The following GOLM1 variants were observed in gnomAD, a reference collection of about 807,000 sequenced individuals.
The protein encoded by GOLM1 is golgi membrane protein 1.
GOLM1 carries 31 observed loss-of-function variants against 50.5 expected under a neutral mutation model. The observed-to-expected ratio is 0.61, with a 90% CI of 0.46 to 0.83. The LOEUF is 0.83. GOLM1 is among the 40% of genes least tolerant of loss of function. The pLI is 0.00. For missense variants in GOLM1, 491 were observed against 501.3 expected, an observed-to-expected ratio of 0.98 and a Z score of 0.20; for synonymous variants, 178 against 192.8, an observed-to-expected ratio of 0.92 and a Z score of 0.64.
chr9:86,026,252 C>T lies in GOLM1; in HGVS notation c.*1565G>A. The T allele has an allele frequency of 1.0e-6, 1 of 984,844 alleles. No homozygotes were observed. Among genetic ancestry groups the T allele is most frequent in the African/African-American group, 1.7e-5 (1 of 57,304 alleles). The allele number at this position is 984,844 out of a possible 1,614,324, so 61.0% of individuals were successfully genotyped here. A position where few individuals can be genotyped will look rare whatever the true frequency, so the allele number is the denominator to read the frequency against. On this transcript the variant is annotated 3_prime_UTR_variant, in exon 10 of 10. Transcript: ENST00000388712. ...AGCAAGAGAAAATTCCTATCAACCCCAAGGAGGACTCAAAGTGAGGCTGGA... is the reference window on the plus strand; with the variant it reads ...AGCAAGAGAAAATTCCTATCAACCCTAAGGAGGACTCAAAGTGAGGCTGGA...
chr9:86,095,216 A>G (rs1415458428), intron 1 of GOLM1, among the ~76,000 whole-genome samples: 1 of 152,100 alleles, frequency 6.6e-6, no homozygotes. Flanking sequence ...ACAAATTAAG[A>G]ATAGTTTTTA....
intron 1 of GOLM1, among the ~76,000 whole-genome samples, chr9:86,091,054 A>G (rs1587744262): frequency 6.6e-6 from 1 of 152,004 alleles, no homozygotes; most frequent in Non-Finnish European, 1.5e-5. Context: ...GCGATGCCCC[A>G]CCCTGCTTCT....
intron 5 of GOLM1, 128 bp downstream of exon 5, chr9:86,046,342 G>T: frequency 3.1e-6 from 2 of 645,638 alleles, no homozygotes; most frequent in Non-Finnish European, 5.7e-6. Flanking sequence ...AGAGGGGCCC[G>T]TGCCTTTCTC....
chr9:86,082,604 C>T (rs111425685), intron 1 of GOLM1, among the ~76,000 whole-genome samples: 1 of 151,944 alleles, frequency 6.6e-6, no homozygotes, highest in African/African-American at 2.4e-5. Context: ...CCACGCCCAG[C>T]TAATTTTTTC....
intron 1 of GOLM1, among the ~76,000 whole-genome samples, chr9:86,098,481 T>C (rs1176188101): frequency 1.3e-5 from 2 of 152,140 alleles, no homozygotes; most frequent in African/African-American, 4.8e-5. Context: ...CTAGAAATGT[T>C]CCTCAATAAT....
At chr9:86,048,044 G>C (rs370085594) in intron 4 of GOLM1, among the ~76,000 whole-genome samples, 28 of 89,884 alleles carry the variant, frequency 3.1e-4, no homozygotes, top group African/African-American at 1.0e-3. Context: ...CCCACCCCAC[G>C]ACACGCCCCA....
chr9:86,099,620 G>C (rs1273034573), upstream of GOLM1: 1 of 149,034 alleles, frequency 6.7e-6, no homozygotes, highest in African/African-American at 2.4e-5. Context: ...GGAGGAGGCG[G>C]CGCCGCGAGC....
intron 3 of GOLM1, among the ~76,000 whole-genome samples, chr9:86,062,503 AGGAGGGAGAAT>A (rs1291306095): frequency 6.7e-6 from 1 of 149,622 alleles, no homozygotes; most frequent in Non-Finnish European, 1.5e-5. Flanking sequence ...GAGGAAGAGG[AGGAGGGAGAAT>A]GGAGGGAGAG....
At chr9:86,053,864 C>G (rs140348279) in intron 3 of GOLM1, among the ~76,000 whole-genome samples, 350 of 148,912 alleles carry the variant, frequency 2.4e-3, no homozygotes, top group African/African-American at 8.3e-3. Flanking sequence ...CTACACCACA[C>G]CAGCTCACAA....
intron 1 of GOLM1, among the ~76,000 whole-genome samples, chr9:86,093,929 T>A (rs1412416185): frequency 6.6e-6 from 1 of 152,218 alleles, no homozygotes; most frequent in Non-Finnish European, 1.5e-5. Context: ...CTCCAAACAG[T>A]GGTGGAGCCA....
intron 3 of GOLM1, among the ~76,000 whole-genome samples, chr9:86,071,705 A>G (rs138362454): frequency 6.6e-6 from 1 of 152,234 alleles, no homozygotes; most frequent in East Asian, 1.9e-4. Flanking sequence ...TAATAGTTTC[A>G]TAACGCAACA....
intron 9 of GOLM1, among the ~76,000 whole-genome samples, chr9:86,030,396 G>T (rs973484890): frequency 6.6e-6 from 1 of 152,120 alleles, no homozygotes; most frequent in African/African-American, 2.4e-5. Flanking sequence ...AATGAAGACA[G>T]CTGAAAATTC....
intron 5 of GOLM1, among the ~76,000 whole-genome samples, chr9:86,041,792 C>A (rs778172032): frequency 6.6e-6 from 1 of 152,112 alleles, no homozygotes; most frequent in Non-Finnish European, 1.5e-5. Context: ...AGCCCCTTAA[C>A]CTAGGGGGTC....
chr9:86,027,533 C>A lies in GOLM1; in HGVS notation c.*284G>T. 1 of 1,216,362 alleles carries A rather than the reference C, an allele frequency of 8.2e-7. No individual in the cohort carries two copies. The highest frequency in any genetic ancestry group is 1.0e-6 in the Non-Finnish European group (1 of 974,954). The allele number at this position is 1,216,362 out of a possible 1,614,324, so 75.3% of individuals were successfully genotyped here. ...TCAGGAAGCCCCGCTGTCGCCAACA[C>A]TTGAAGGAGAACTATGTTCCAGTTT... On this transcript the variant is annotated 3_prime_UTR_variant, in exon 10 of 10. Transcript: ENST00000388712.
intron 3 of GOLM1, among the ~76,000 whole-genome samples, chr9:86,053,595 T>TCCACACACACACACA (rs1833869581): frequency 1.5e-3 from 3 of 2,046 alleles, no homozygotes; most frequent in East Asian, 9.8e-3. Flanking sequence ...ACCACACCAC[T>TCCACACACACACACA]CCACACACAC....
At chr9:86,054,600 G>A (rs1485307538) in intron 3 of GOLM1, among the ~76,000 whole-genome samples, 2 of 152,184 alleles carry the variant, frequency 1.3e-5, no homozygotes, top group East Asian at 3.9e-4. Flanking sequence ...GGAGGCACTG[G>A]CTGCTTAAAT....
rs575466370 is a variant in GOLM1 at position 86,034,698 on chromosome 9, T to C, written c.1015+670A>G. Among the ~76,000 whole-genome samples, 24 of 152,330 alleles carry C rather than the reference T, an allele frequency of 1.6e-4. No homozygotes were observed. The East Asian group carries it at 4.6e-3, about 29-fold the overall frequency. On this transcript the variant is annotated intron_variant, in intron 8 of 9. Transcript: ENST00000388712. ...ATTTAAATGGAATCAAGGTAACTTC[T>C]GCAAATAAGTGTATTCTCCAACTTC... is the stretch of plus-strand genomic sequence containing the variant.
At chr9:86,079,073 G>A (rs1238974518) in intron 2 of GOLM1, 119 bp downstream of exon 2, 22 of 856,900 alleles carry the variant, frequency 2.6e-5, no homozygotes, top group South Asian at 1.2e-4. Flanking sequence ...CCTTACAAGC[G>A]TGTGCCCTGC....
chr9:86,035,276 A>T, intron 8 of GOLM1, 92 bp downstream of exon 8: 1 of 1,539,242 alleles, frequency 6.5e-7, no homozygotes, highest in African/African-American at 1.4e-5. Flanking sequence ...GGTAAAATTC[A>T]GGGTGATATG....
Sources: gnomAD v4.1 joint callset for allele counts (sites outside exome capture counted in the v4.1 genomes callset) on GRCh38, gnomAD v4.1.1 for gene constraint, MANE v1.5 for transcripts, NCBI Gene and HGNC (gene_info 2026-07-23, HGNC 2026-07-21) for gene names.